ZNF407: variants seen among roughly 807,000 people sequenced by gnomAD.
The protein encoded by ZNF407 is zinc finger protein 407.
In ZNF407, 17 loss-of-function variants were observed where a neutral mutation model predicts 131.2. The observed-to-expected ratio is 0.13, with a 90% CI of 0.09 to 0.19. The LOEUF is 0.19. ZNF407 is among the 10% of genes least tolerant of loss of function. The pLI is 1.00. For missense variants in ZNF407, 2,681 were observed against 2,830.6 expected, an observed-to-expected ratio of 0.95 and a Z score of 1.20; for synonymous variants, 1,156 against 1,062.0, an observed-to-expected ratio of 1.09 and a Z score of -1.72.
At chr18:74,668,948 G>T (rs1599054953) in intron 3 of ZNF407, among the ~76,000 whole-genome samples, 1 of 151,802 alleles carries the variant, frequency 6.6e-6, no homozygotes, top group South Asian at 2.1e-4. Context: ...TGCGTGTCAC[G>T]TTCTGGTGTG....
intron 3 of ZNF407, among the ~76,000 whole-genome samples, chr18:74,773,848 G>C (rs1006794957): frequency 3.3e-5 from 5 of 152,126 alleles, no homozygotes; most frequent in African/African-American, 1.2e-4. Context: ...TGGATTGAAA[G>C]GGCTTAGACT....
In ZNF407 at chr18:74,635,939, G is replaced by T. The variant is rs1332162942; in HGVS notation, c.4687+233G>T. Among the ~76,000 whole-genome samples, 2 of 152,098 alleles carry T rather than the reference G, an allele frequency of 1.3e-5. No individual in the cohort carries two copies. The highest frequency in any genetic ancestry group is 1.3e-4 in the Admixed American group (2 of 15,274). On this transcript the variant is annotated intron_variant, in intron 2 of 8. Coordinates refer to ENST00000299687, the MANE Select transcript of ZNF407 (RefSeq NM_017757.3). The surrounding 1 kb of genome is among the most constrained non-coding windows in gnomAD (Gnocchi z 4.7). ...TAGCTGACAAGTTTCTTTTAATTTTGTCAAAAAGCCTAGTCCCTCTGATGC... is the reference window on the plus strand; with the variant it reads ...TAGCTGACAAGTTTCTTTTAATTTTTTCAAAAAGCCTAGTCCCTCTGATGC...
intron 7 of ZNF407, among the ~76,000 whole-genome samples, chr18:74,893,333 C>T (rs1971412021): frequency 6.6e-6 from 1 of 152,090 alleles, no homozygotes; most frequent in Non-Finnish European, 1.5e-5. Context: ...TTATTTAAAA[C>T]TTCGGAATAA....
chr18:74,748,238 A>G (rs1968716141), intron 3 of ZNF407, among the ~76,000 whole-genome samples: 1 of 151,948 alleles, frequency 6.6e-6, no homozygotes, highest in South Asian at 2.1e-4. Context: ...GCAAGTTTTC[A>G]GAGATGATAA....
intron 8 of ZNF407, among the ~76,000 whole-genome samples, chr18:74,929,478 G>A (rs1469528396): frequency 1.3e-5 from 2 of 152,162 alleles, no homozygotes; most frequent in Non-Finnish European, 2.9e-5. Context: ...AAAATTGATT[G>A]TGAAAAGTTA....
intron 8 of ZNF407, among the ~76,000 whole-genome samples, chr18:74,935,259 A>T (rs1024593400): frequency 2.0e-5 from 3 of 152,170 alleles, no homozygotes; most frequent in African/African-American, 7.2e-5. Flanking sequence ...TTTAAAACAC[A>T]CCAAACTCAT....
intron 3 of ZNF407, among the ~76,000 whole-genome samples, chr18:74,728,746 C>T (rs1034196237): frequency 6.6e-6 from 1 of 152,076 alleles, no homozygotes; most frequent in Non-Finnish European, 1.5e-5. Flanking sequence ...ATGCAGTTAC[C>T]AGTGGAGAGC....
At chr18:74,769,563 T>C (rs1223865049) in intron 3 of ZNF407, among the ~76,000 whole-genome samples, 4 of 152,230 alleles carry the variant, frequency 2.6e-5, no homozygotes, top group South Asian at 2.1e-4. Context: ...TCCCATTTTA[T>C]AGTTTATCAC....
chr18:74,652,235 C>T (rs1315184996), intron 3 of ZNF407, among the ~76,000 whole-genome samples: 8 of 151,960 alleles, frequency 5.3e-5, no homozygotes, highest in African/African-American at 1.4e-4. Context: ...CTTTTTATAG[C>T]GTTGCCAAAA....
At chr18:75,002,629 C>A (rs537710339) in intron 8 of ZNF407, among the ~76,000 whole-genome samples, 1 of 151,984 alleles carries the variant, frequency 6.6e-6, no homozygotes, top group African/African-American at 2.4e-5. Flanking sequence ...GGTGAAACCC[C>A]GTCTCTACTA....
intron 7 of ZNF407, among the ~76,000 whole-genome samples, chr18:74,892,248 G>A (rs1971395668): frequency 6.6e-6 from 1 of 152,148 alleles, no homozygotes; most frequent in East Asian, 1.9e-4. Context: ...TATGAGCACA[G>A]CACAAGGGTG....
chr18:75,039,978 C>T (rs1568308971), intron 8 of ZNF407, among the ~76,000 whole-genome samples: 3 of 151,892 alleles, frequency 2.0e-5, no homozygotes. Flanking sequence ...GAGAGAGGTG[C>T]CGATAATGGT....
chr18:74,992,568 G>T (rs2122140411), intron 8 of ZNF407, among the ~76,000 whole-genome samples: 1 of 152,350 alleles, frequency 6.6e-6, no homozygotes, highest in East Asian at 1.9e-4. Context: ...AGGATTCGTG[G>T]ATAAGAGCTG....
chr18:75,058,248 C>T (rs777859487), intron 8 of ZNF407, among the ~76,000 whole-genome samples: 2 of 152,142 alleles, frequency 1.3e-5, no homozygotes, highest in Non-Finnish European at 2.9e-5. Flanking sequence ...AGCAGCGAGC[C>T]GAACTCAAAA....
chr18:75,063,618 A>G lies in ZNF407; in HGVS notation c.5897A>G (p.Gln1966Arg). ...SLSPGGAVIQ[Q>R]VTKQEILNLS... ...AGTCCAGGTGGCGCTGTGATACAAC[A>G]GGTGACCAAGCAGGAGATTTTAAAC... The change falls in exon 9 of 9, where the codon CAG (glutamine) becomes CGG (arginine). Residue 1966 changes from glutamine to arginine, a missense_variant. Gln to Arg is a conservative substitution (Grantham distance 43). This residue lies in a region of ZNF407 where 620 missense variants were observed against 583.1 expected (regional missense o/e 1.06). Coordinates refer to ENST00000299687, the MANE Select transcript of ZNF407 (RefSeq NM_017757.3). This position sits in a 1 kb window ranked among gnomAD's most constrained non-coding sequence, Gnocchi z 6.6. The G allele has an allele frequency of 6.3e-7, 1 of 1,583,378 alleles. No homozygotes were observed. The highest frequency in any genetic ancestry group is 8.6e-7 in the Non-Finnish European group (1 of 1,166,336).
intron 3 of ZNF407, among the ~76,000 whole-genome samples, chr18:74,734,860 G>T (rs529940969): frequency 3.7e-4 from 57 of 152,122 alleles, no homozygotes; most frequent in Non-Finnish European, 7.4e-4. Context: ...TTTACATTTT[G>T]GATAATGTCT....
At chr18:74,637,865 A>G (rs1327495007) in intron 2 of ZNF407, among the ~76,000 whole-genome samples, 1 of 152,224 alleles carries the variant, frequency 6.6e-6, no homozygotes, top group African/African-American at 2.4e-5. Context: ...CAGCACTATA[A>G]GAAATAAATG....
At chr18:75,032,632 G>T (rs1973254840) in intron 8 of ZNF407, among the ~76,000 whole-genome samples, 1 of 152,166 alleles carries the variant, frequency 6.6e-6, no homozygotes, top group African/African-American at 2.4e-5. Context: ...CATACTGGGT[G>T]TCCTCGCCAG....
At chr18:74,982,432 G>A (rs767626242) in intron 8 of ZNF407, among the ~76,000 whole-genome samples, 2 of 152,126 alleles carry the variant, frequency 1.3e-5, no homozygotes, top group African/African-American at 2.4e-5. Flanking sequence ...TATTATTGGC[G>A]ATTATGGAAT....
Sources: allele counts gnomAD v4.1 joint callset (sites outside exome capture counted in the v4.1 genomes callset), GRCh38; gene constraint gnomAD v4.1.1; regional missense constraint gnomAD v4.1.1; non-coding constraint Gnocchi (gnomAD v3.1); transcripts MANE v1.5; gene names NCBI Gene and HGNC (gene_info 2026-07-23, HGNC 2026-07-21).